QRFPR: variants seen among roughly 807,000 people sequenced by gnomAD.
QRFPR encodes the protein pyroglutamylated RFamide peptide receptor, also known as pyroglutamylated RF-amide peptide receptor.
A neutral mutation model predicts 31.3 loss-of-function variants in QRFPR; 37 were observed. That is an observed-to-expected ratio of 1.18 (90% CI 0.91 to 1.56). The LOEUF is 1.56. Ranked by LOEUF, QRFPR falls within the 40% of genes most tolerant of loss-of-function variation. The pLI is 0.00. For synonymous variants in QRFPR, 197 were observed against 192.0 expected, an observed-to-expected ratio of 1.03 and a Z score of -0.22; for missense variants, 542 against 532.5, an observed-to-expected ratio of 1.02 and a Z score of -0.18.
intron 3 of QRFPR, among the ~76,000 whole-genome samples, chr4:121,335,464 C>T (rs534985424): frequency 3.3e-5 from 5 of 151,434 alleles, no homozygotes; most frequent in South Asian, 4.2e-4. Context: ...CAATCAGTCA[C>T]AGGCAATACT....
At chr4:121,331,679 G>A (rs1427878948) in intron 4 of QRFPR, among the ~76,000 whole-genome samples, 1 of 150,400 alleles carries the variant, frequency 6.6e-6, no homozygotes, top group Non-Finnish European at 1.5e-5. Flanking sequence ...TGGAGATGGA[G>A]TCTTGCTCTG....
chr4:121,377,941 T>C (rs973103363), intron 1 of QRFPR, among the ~76,000 whole-genome samples: 3 of 152,166 alleles, frequency 2.0e-5, no homozygotes, highest in Admixed American at 6.5e-5. Flanking sequence ...TCCTGTCCTA[T>C]AATGCGCAAG....
chr4:121,365,574 ATATAT>A (rs1560743826), intron 1 of QRFPR, among the ~76,000 whole-genome samples: 1 of 19,648 alleles, frequency 5.1e-5, no homozygotes, highest in African/African-American at 3.6e-4. Context: ...ATTATATATA[ATATAT>A]ATTATATATA....
At chr4:121,358,165 G>T (rs1725905533) in intron 1 of QRFPR, among the ~76,000 whole-genome samples, 1 of 152,134 alleles carries the variant, frequency 6.6e-6, no homozygotes, top group Non-Finnish European at 1.5e-5. Context: ...GATGACAAAA[G>T]AAAACCATGC....
At chr4:121,366,600 C>A (rs112963979) in intron 1 of QRFPR, among the ~76,000 whole-genome samples, 1 of 149,534 alleles carries the variant, frequency 6.7e-6, no homozygotes, top group Non-Finnish European at 1.5e-5. Flanking sequence ...AACAATGAGC[C>A]CCTATGAGGT....
chr4:121,371,232 G>C (rs1481130318), intron 1 of QRFPR, among the ~76,000 whole-genome samples: 1 of 152,168 alleles, frequency 6.6e-6, no homozygotes, highest in Non-Finnish European at 1.5e-5. Context: ...CCAAGCTACA[G>C]GTAGGACTAA....
chr4:121,329,722 A>G lies in QRFPR; in HGVS notation c.896-8T>C, dbSNP rs1187728765. ...ATTCCTTTTCAAAATTACCTGAAAT[A>G]AAGTAATATTTTAGAATGTACGTTT... On this transcript the variant is annotated splice_polypyrimidine_tract_variant and splice_region_variant and intron_variant, in intron 5 of 5. Transcript: ENST00000394427. The G allele has an allele frequency of 6.8e-7, 1 of 1,475,100 alleles. No individual in the cohort carries two copies. The highest frequency in any genetic ancestry group is 1.4e-5 in the African/African-American group (1 of 70,628). The allele number at this position is 1,475,100 out of a possible 1,614,324, so 91.4% of individuals were successfully genotyped here.
chr4:121,375,693 C>A (rs144846215), intron 1 of QRFPR, among the ~76,000 whole-genome samples: 2 of 152,188 alleles, frequency 1.3e-5, no homozygotes, highest in African/African-American at 4.8e-5. Context: ...AGCCTCTATG[C>A]AGAAATTGAT....
intron 1 of QRFPR, among the ~76,000 whole-genome samples, chr4:121,357,238 T>A (rs961788821): frequency 6.6e-6 from 1 of 152,068 alleles, no homozygotes; most frequent in Non-Finnish European, 1.5e-5. Context: ...TTGTCTGCAT[T>A]CCTTGGCAGA....
intron 1 of QRFPR, among the ~76,000 whole-genome samples, chr4:121,372,779 G>GT (rs1422472496): frequency 6.6e-6 from 1 of 152,178 alleles, no homozygotes; most frequent in Non-Finnish European, 1.5e-5. Flanking sequence ...ATGCCTGAGT[G>GT]ATATTCCACT....
At chr4:121,367,874 A>G (rs1252291608) in intron 1 of QRFPR, among the ~76,000 whole-genome samples, 1 of 66,222 alleles carries the variant, frequency 1.5e-5, no homozygotes, top group African/African-American at 6.8e-5. Context: ...AACCTACAAC[A>G]TTTGCAGATT....
chr4:121,375,995 CA>C (rs1289816201), intron 1 of QRFPR, among the ~76,000 whole-genome samples: 1 of 152,042 alleles, frequency 6.6e-6, no homozygotes, highest in Non-Finnish European at 1.5e-5. Context: ...GAGGAAAAAA[CA>C]AAACAAAATG....
At position 121,366,531 on chromosome 4, in the gene QRFPR, C is replaced by T. The variant is rs1181261610; in HGVS notation, c.340+13777G>A. Among the ~76,000 whole-genome samples the T allele has an allele frequency of 3.0e-5, 4 of 132,848 alleles. No individual in the cohort carries two copies. The South Asian group carries it at 8.0e-4, about 27-fold the overall frequency. 87.2% of individuals were successfully genotyped at this position (132,848 alleles called of 152,430 possible). ...ACACAAAGAATTCTGGGTATCCAACCGAAAGAGGAAACCATGTGGGACAGG... is the reference window on the plus strand; with the variant it reads ...ACACAAAGAATTCTGGGTATCCAACTGAAAGAGGAAACCATGTGGGACAGG... On this transcript the variant is annotated intron_variant, in intron 1 of 5. Transcript: ENST00000394427.
intron 2 of QRFPR, among the ~76,000 whole-genome samples, chr4:121,339,405 A>G (rs1400077231): frequency 6.6e-6 from 1 of 152,154 alleles, no homozygotes; most frequent in East Asian, 1.9e-4. Flanking sequence ...ACCATTTATC[A>G]TGAGGTATGT....
intron 1 of QRFPR, chr4:121,369,969 C>G: frequency 1.3e-6 from 1 of 765,082 alleles, no homozygotes; most frequent in Middle Eastern, 3.7e-4. Flanking sequence ...GATCTCTCAG[C>G]CCTGCCTGTT....
chr4:121,366,158 G>A (rs573853963), intron 1 of QRFPR, among the ~76,000 whole-genome samples: 4 of 149,868 alleles, frequency 2.7e-5, no homozygotes, highest in East Asian at 2.0e-4. Flanking sequence ...ATTCTTCCCC[G>A]TCAGTATAAC....
chr4:121,361,651 G>T (rs1725994619), intron 1 of QRFPR, among the ~76,000 whole-genome samples: 1 of 150,256 alleles, frequency 6.7e-6, no homozygotes, highest in Admixed American at 6.6e-5. Context: ...TTCTGAAAAA[G>T]TTCCAGGTGA....
At chr4:121,360,089 A>T (rs920295546) in intron 1 of QRFPR, among the ~76,000 whole-genome samples, 39 of 152,330 alleles carry the variant, frequency 2.6e-4, no homozygotes, top group African/African-American at 8.7e-4. Context: ...TTTATTGTGT[A>T]CAATGAGTAC....
At position 121,336,852 on chromosome 4, in the gene QRFPR, C is replaced by G. The variant is rs1340483822; in HGVS notation, c.516G>C (p.Val172=). The G allele has an allele frequency of 6.2e-7, 1 of 1,614,110 alleles. No homozygotes were observed. The highest frequency in any genetic ancestry group is 8.5e-7 in the Non-Finnish European group (1 of 1,179,964). The change falls in exon 3 of 6, where the codon GTG becomes GTC. Residue 172 remains valine (V), a synonymous_variant. Coordinates refer to ENST00000394427, the MANE Select transcript of QRFPR (RefSeq NM_198179.3). ...ACATGGGTGATCCTACGATGACTGC[C>G]ACCAGCCAGACCACACCTGTAAAAG... is the stretch of plus-strand genomic sequence containing the variant. ...AFTMLGVVWL[V]AVIVGSPMWH...
Sources: gnomAD v4.1 joint callset for allele counts (sites outside exome capture counted in the v4.1 genomes callset) on GRCh38, gnomAD v4.1.1 for gene constraint, MANE v1.5 for transcripts, NCBI Gene and HGNC (gene_info 2026-07-23, HGNC 2026-07-21) for gene names.